MAP3K5: variants seen among roughly 807,000 people sequenced by gnomAD.
MAP3K5 encodes mitogen-activated protein kinase kinase kinase 5, also known as ASK-1.
Under a neutral mutation model 158.7 loss-of-function variants are expected in MAP3K5, and 56 were observed. The ratio of observed to expected loss-of-function variants is 0.35; its 90% CI spans 0.28 to 0.44. MAP3K5 has a LOEUF of 0.44. MAP3K5 is among the 20% of genes least tolerant of loss of function. The probability of loss-of-function intolerance (pLI) is 1.00; values close to 1 mark genes in which losing one functional copy is unlikely to be tolerated. For synonymous variants in MAP3K5, 579 were observed against 601.7 expected, an observed-to-expected ratio of 0.96 and a Z score of 0.55; for missense variants, 1,294 against 1,674.8, an observed-to-expected ratio of 0.77 and a Z score of 3.97.
chr6:136,669,803 T>C (rs536976184), intron 7 of MAP3K5, among the ~76,000 whole-genome samples: 1 of 152,220 alleles, frequency 6.6e-6, no homozygotes, highest in South Asian at 2.1e-4. Flanking sequence ...GTCATTTATG[T>C]TGTAGAAGCA....
intron 25 of MAP3K5, among the ~76,000 whole-genome samples, chr6:136,569,214 T>A (rs1774256154): frequency 6.6e-6 from 1 of 152,200 alleles, no homozygotes; most frequent in Non-Finnish European, 1.5e-5. Context: ...CAAAATATAT[T>A]TCTCTGACAT....
At chr6:136,641,858 T>C (rs1010722550) in intron 12 of MAP3K5, among the ~76,000 whole-genome samples, 1 of 151,256 alleles carries the variant, frequency 6.6e-6, no homozygotes, top group Non-Finnish European at 1.5e-5. Context: ...CATGGTGACA[T>C]GCGCCCGTAA....
At chr6:136,754,142 G>C (rs1254482928) in intron 1 of MAP3K5, among the ~76,000 whole-genome samples, 1 of 151,962 alleles carries the variant, frequency 6.6e-6, no homozygotes, top group African/African-American at 2.4e-5. Flanking sequence ...GCCTGGTGGC[G>C]GGCGCCTGTA....
intron 7 of MAP3K5, among the ~76,000 whole-genome samples, chr6:136,692,061 TC>T (rs1191963552): frequency 6.6e-5 from 10 of 151,234 alleles, no homozygotes; most frequent in African/African-American, 2.5e-4. Flanking sequence ...AGTTTTTCTT[TC>T]TTTTTTTTCT....
chr6:136,643,969 C>A (rs1200206359), intron 11 of MAP3K5, among the ~76,000 whole-genome samples: 3 of 152,198 alleles, frequency 2.0e-5, no homozygotes, highest in Non-Finnish European at 4.4e-5. Flanking sequence ...TACAATGCAG[C>A]CTTATCCTCA....
rs78758607 is a variant in MAP3K5 at position 136,631,637 on chromosome 6, A to C, written c.2016+5688T>G. ...AAGCAGAGAGGTCCATATGGATTGG[A>C]GGCCTTCTCCCATCCATATCTCTCT... On this transcript the variant is annotated intron_variant, in intron 14 of 29. Coordinates refer to ENST00000359015, the MANE Select transcript of MAP3K5 (RefSeq NM_005923.4). Among the ~76,000 whole-genome samples, 2,071 of 151,652 alleles carry C rather than the reference A, an allele frequency of 0.014. 115 individuals carry two copies. In the East Asian group the frequency reaches 0.15, roughly 11 times the overall value.
intron 1 of MAP3K5, among the ~76,000 whole-genome samples, chr6:136,780,154 G>A (rs1220240962): frequency 6.6e-6 from 1 of 152,220 alleles, no homozygotes; most frequent in Non-Finnish European, 1.5e-5. Flanking sequence ...AAAGGGGTGT[G>A]TACCTTTGAT....
In MAP3K5 at chr6:136,792,023, C is replaced by G. The variant is rs774755273; in HGVS notation, c.135G>C (p.Gln45His). Residue 45 changes from glutamine (Q) to histidine (H), a missense_variant, in exon 1 of 30, where the codon CAG (glutamine) becomes CAC (histidine). Around this residue, in one of 5 missense-constraint regions of MAP3K5, gnomAD observed 690 missense variants for 870.5 expected, o/e 0.79. Transcript: ENST00000359015. This position sits in a 1 kb window ranked among gnomAD's most constrained non-coding sequence, Gnocchi z 5.7. Reference sequence around the variant, plus strand: ...AGCTGCCCGGCGGCGGCGGTGGCAGCTGGTGCTCCTCGCCCTCGCCCACCG... The same window carrying G: ...AGCTGCCCGGCGGCGGCGGTGGCAGGTGGTGCTCCTCGCCCTCGCCCACCG... ...AAAVGEGEEH[Q>H]LPPPPPGSFW... 2 of 1,575,994 alleles carry G rather than the reference C, an allele frequency of 1.3e-6. No homozygotes were observed. The highest frequency in any genetic ancestry group is 1.7e-6 in the Non-Finnish European group (2 of 1,166,272).
intron 1 of MAP3K5, among the ~76,000 whole-genome samples, chr6:136,722,863 AT>A (rs1339164216): frequency 6.6e-6 from 1 of 151,288 alleles, no homozygotes; most frequent in Non-Finnish European, 1.5e-5. Context: ...ATTTTTTAAA[AT>A]TTTTTGTAAA....
intron 25 of MAP3K5, among the ~76,000 whole-genome samples, chr6:136,579,218 T>C (rs1429874055): frequency 6.6e-6 from 1 of 152,126 alleles, no homozygotes; most frequent in Non-Finnish European, 1.5e-5. Flanking sequence ...TACTCATCCA[T>C]GCATCCATGC....
intron 19 of MAP3K5, among the ~76,000 whole-genome samples, chr6:136,603,172 G>A (rs893303037): frequency 1.3e-5 from 2 of 151,068 alleles, no homozygotes; most frequent in African/African-American, 4.8e-5. Context: ...TTATTATACA[G>A]GTACTTTTTT....
At chr6:136,667,996 C>G (rs1779302993) in intron 8 of MAP3K5, among the ~76,000 whole-genome samples, 1 of 152,074 alleles carries the variant, frequency 6.6e-6, no homozygotes, top group African/African-American at 2.4e-5. Flanking sequence ...CAGAGATTCT[C>G]CAGAACATTA....
chr6:136,696,610 A>C (rs369239481), intron 5 of MAP3K5, among the ~76,000 whole-genome samples: 2 of 152,212 alleles, frequency 1.3e-5, no homozygotes, highest in African/African-American at 4.8e-5. Context: ...ACCAGATGTC[A>C]TTTAAATTTT....
chr6:136,632,430 T>A (rs1777413948), intron 14 of MAP3K5, among the ~76,000 whole-genome samples: 1 of 152,040 alleles, frequency 6.6e-6, no homozygotes, highest in Non-Finnish European at 1.5e-5. Context: ...GGCAGGAGAA[T>A]TGCTTGAACC....
At chr6:136,581,989 A>C (rs1302676649) in intron 24 of MAP3K5, among the ~76,000 whole-genome samples, 2 of 152,128 alleles carry the variant, frequency 1.3e-5, no homozygotes, top group Non-Finnish European at 2.9e-5. Context: ...AGGCTGAGGC[A>C]CAAGAATTGC....
intron 26 of MAP3K5, among the ~76,000 whole-genome samples, chr6:136,566,562 CAGAAG>C (rs1774120039): frequency 6.6e-6 from 1 of 152,164 alleles, no homozygotes; most frequent in Non-Finnish European, 1.5e-5. Flanking sequence ...CATGAAGTCT[CAGAAG>C]AGAAAAGACC....
At chr6:136,754,582 C>CA (rs751465032) in intron 1 of MAP3K5, among the ~76,000 whole-genome samples, 114 of 97,770 alleles carry the variant, frequency 1.2e-3, no homozygotes, top group African/African-American at 3.6e-3. Context: ...AGACCGCTCT[C>CA]AAAAAAAAAA....
At chr6:136,595,177 G>T (rs1306428876) in intron 21 of MAP3K5, among the ~76,000 whole-genome samples, 1 of 152,182 alleles carries the variant, frequency 6.6e-6, no homozygotes, top group Non-Finnish European at 1.5e-5. Context: ...GAGTGCAGTG[G>T]CATGATCTTG....
At chr6:136,790,997 T>C (rs1785051029) in intron 1 of MAP3K5, among the ~76,000 whole-genome samples, 1 of 152,228 alleles carries the variant, frequency 6.6e-6, no homozygotes. Context: ...ACAGGTGTTT[T>C]AGACAATGTT....
Sources: gnomAD v4.1 joint callset for allele counts (sites outside exome capture counted in the v4.1 genomes callset) on GRCh38, gnomAD v4.1.1 for gene constraint, gnomAD v4.1.1 regional missense constraint, Gnocchi (gnomAD v3.1) non-coding constraint, MANE v1.5 for transcripts, NCBI Gene and HGNC (gene_info 2026-07-23, HGNC 2026-07-21) for gene names.